PPFIA4: variants seen among roughly 807,000 people sequenced by gnomAD.
PPFIA4 encodes liprin-alpha-4.
In PPFIA4, 98 loss-of-function variants were observed where a neutral mutation model predicts 145.7. That is an observed-to-expected ratio of 0.67 (90% confidence interval 0.57 to 0.80). The LOEUF (loss-of-function observed/expected upper bound fraction) is 0.80, where lower values mean the gene tolerates loss of function less well. PPFIA4 is among the 30% of genes least tolerant of loss of function. The probability of loss-of-function intolerance (pLI) is 0.00; values close to 1 mark genes in which losing one functional copy is unlikely to be tolerated. For missense variants in PPFIA4, 1,457 were observed against 1,632.7 expected (o/e 0.89, Z 1.85); for synonymous variants, 628 against 649.6 (o/e 0.97, Z 0.51).
rs1424216045 is a variant in PPFIA4 at position 203,056,881 on chromosome 1, G to A, written c.2338G>A (p.Gly780Ser). The change falls in exon 19 of 30, where the codon GGC (glycine) becomes AGC (serine). Residue 780 changes from glycine to serine, a missense_variant. Coordinates refer to ENST00000295706, the MANE Select transcript of PPFIA4 (RefSeq NM_001304331.2). The part of the protein sequence containing the change: ...AKRKGIKSSI[G>S]RLFGKKEKGR... ...GCGCAAGGGCATCAAGTCGTCCATT[G>A]GCCGCCTGTTTGGGAAGAAGGAGAA... 2 of 1,613,968 alleles carry A rather than the reference G, an allele frequency of 1.2e-6. No homozygotes were observed. Among genetic ancestry groups the A allele is most frequent in the African/African-American group, 2.7e-5 (2 of 74,944 alleles).
Position 203,038,795 on chromosome 1 carries a change from C to G in PPFIA4, c.-214C>G, listed in dbSNP as rs1659482543. On this transcript the variant is annotated 5_prime_UTR_variant, in exon 2 of 30. Transcript: ENST00000295706. ...CCAGCCCCAGCCCTGAGAAGTTAAGCCAGGCCTTCTGGCTCAGTTCCACAG... is the reference window on the plus strand; with the variant it reads ...CCAGCCCCAGCCCTGAGAAGTTAAGGCAGGCCTTCTGGCTCAGTTCCACAG... 4 of 442,754 alleles carry G rather than the reference C, an allele frequency of 9.0e-6. No individual in the cohort carries two copies. In the South Asian group the frequency reaches 1.2e-4, roughly 14 times the overall value. 27.4% of individuals were successfully genotyped at this position (442,754 alleles called of 1,614,324 possible).
chr1:203,059,306 G>A, intron 20 of PPFIA4, 35 bp downstream of exon 20: 1 of 1,454,006 alleles, frequency 6.9e-7, no homozygotes, highest in South Asian at 1.2e-5. Context: ...CCAGGGTGGG[G>A]CCCAGCCCCC....
intron 1 of PPFIA4, among the ~76,000 whole-genome samples, chr1:203,033,258 C>T (rs192955208): frequency 1.1e-4 from 17 of 152,232 alleles, no homozygotes; most frequent in African/African-American, 2.6e-4. Flanking sequence ...CACTGCTAGT[C>T]GTGTTGGGGG....
intron 14 of PPFIA4, among the ~76,000 whole-genome samples, 179 bp downstream of exon 14, chr1:203,052,056 C>G (rs929718713): frequency 6.7e-6 from 1 of 149,776 alleles, no homozygotes; most frequent in South Asian, 2.2e-4. Context: ...CCCCCCCCCC[C>G]GCTTGCCTTG....
chr1:203,036,322 G>C (rs1659247456), intron 1 of PPFIA4, among the ~76,000 whole-genome samples: 1 of 152,186 alleles, frequency 6.6e-6, no homozygotes. Context: ...TCAGCCAGCT[G>C]GTCTGTGGCA....
intron 25 of PPFIA4, 189 bp from the exon 26 acceptor site, chr1:203,067,504 CAG>C (rs1368464650): frequency 6.9e-6 from 4 of 582,604 alleles, no homozygotes; most frequent in African/African-American, 1.9e-5. Context: ...ATGGGTTAGA[CAG>C]AGAAAGGGAG....
chr1:203,059,830 T>C lies in PPFIA4; in HGVS notation c.2562T>C (p.Pro854=), dbSNP rs767609540. 4 of 1,612,498 alleles carry C rather than the reference T, an allele frequency of 2.5e-6. No homozygotes were observed. The Admixed American group carries it at 5.0e-5, about 20-fold the overall frequency. The part of the protein sequence containing the change: ...KGMPFAQWDG[P]TVVSWLELWV... ...TGCCCTTTGCCCAGTGGGATGGTCC[T>C]ACTGTGGTCTCCTGGTTGGAGGTAA... Residue 854 remains proline, a synonymous_variant, in exon 21 of 30, where the codon CCT becomes CCC. Transcript: ENST00000295706.
chr1:203,027,346 T>G (rs1222400189), intron 1 of PPFIA4, among the ~76,000 whole-genome samples: 1 of 152,074 alleles, frequency 6.6e-6, no homozygotes, highest in African/African-American at 2.4e-5. Flanking sequence ...TTTTGAGGTT[T>G]TGATGGTGGG....
chr1:203,039,495 G>C (rs1204863390), intron 2 of PPFIA4, among the ~76,000 whole-genome samples: 3 of 152,202 alleles, frequency 2.0e-5, no homozygotes, highest in Non-Finnish European at 4.4e-5. Context: ...AGTGAGCTCA[G>C]GCGGCCAGTA....
rs778772626 is a variant in PPFIA4, at chr1:203,060,271, A to G, written c.2638A>G (p.Ser880Gly). ...YVAACRANVK[S>G]GAIMSALSDT... The stretch of plus-strand genomic sequence containing the variant: ...GGCAGCCTGCCGGGCCAACGTCAAG[A>G]GTGGTGCCATCATGTCCGCTCTGTC... The change falls in exon 22 of 30, where the codon AGT becomes GGT. Residue 880 changes from serine to glycine, a missense_variant. By Grantham distance (56) the Ser-to-Gly change is moderately conservative. Around this residue, in one of 3 missense-constraint regions of PPFIA4, gnomAD observed 848 missense variants for 1,046.7 expected, o/e 0.81. Coordinates refer to ENST00000295706, the MANE Select transcript of PPFIA4 (RefSeq NM_001304331.2). This position sits in a 1 kb window ranked among gnomAD's most constrained non-coding sequence, Gnocchi z 4.8. 1 of 1,614,000 alleles carries G rather than the reference A, an allele frequency of 6.2e-7. No homozygotes were observed. The highest frequency in any genetic ancestry group is 1.1e-5 in the South Asian group (1 of 91,070).
chr1:203,068,758 G>GACATTGCGATCCCCTCT lies in PPFIA4; in HGVS notation c.3324+130_3324+131insACATTGCGATCCCCTCT. 1 of 966,728 alleles carries GACATTGCGATCCCCTCT rather than the reference G, an allele frequency of 1.0e-6. No homozygotes were observed. The highest frequency in any genetic ancestry group is 1.7e-5 in the African/African-American group (1 of 58,034). 59.9% of individuals were successfully genotyped at this position (966,728 alleles called of 1,614,324 possible). On this transcript the variant is annotated intron_variant, in intron 27 of 29. Coordinates refer to ENST00000295706, the MANE Select transcript of PPFIA4 (RefSeq NM_001304331.2). The surrounding 1 kb of genome is among the most constrained non-coding windows in gnomAD (Gnocchi z 4.7). ...AGCTTTTCTAGGGCCTATGCCAGAG[G>GACATTGCGATCCCCTCT]GGATCGCAATGTCCTCAATTCTCCA... is the stretch of plus-strand genomic sequence containing the variant.
chr1:203,029,790 G>A (rs1274090499), intron 1 of PPFIA4, among the ~76,000 whole-genome samples: 1 of 152,200 alleles, frequency 6.6e-6, no homozygotes, highest in Non-Finnish European at 1.5e-5. Flanking sequence ...CTCTCATAAA[G>A]CATGGCATAT....
chr1:203,054,217 T>C, intron 15 of PPFIA4: 1 of 663,266 alleles, frequency 1.5e-6, no homozygotes, highest in Non-Finnish European at 2.7e-6. Flanking sequence ...CATGCTGTGT[T>C]CCTGCAGCCC....
At position 203,044,335 on chromosome 1, in the gene PPFIA4, G is replaced by C. The variant is rs1659912023; in HGVS notation, c.502-44G>C. 3.9e-6 allele frequency: 6 copies of C among 1,531,906 alleles called. No individual in the cohort carries two copies. In the East Asian group the frequency reaches 1.5e-4, roughly 38 times the overall value. 94.9% of individuals were successfully genotyped at this position (1,531,906 alleles called of 1,614,324 possible). ...CCCAGTCTCTTCCAGCCTGACTCAA[G>C]TGGGGTCCCCCTTTCTTCCTCCATC... On this transcript the variant is annotated intron_variant, in intron 4 of 29. Transcript: ENST00000295706.
At position 203,049,575 on chromosome 1, in the gene PPFIA4, C is replaced by T. The variant is rs1660343088; in HGVS notation, c.1420-101C>T. On this transcript the variant is annotated intron_variant, in intron 12 of 29. Coordinates refer to ENST00000295706, the MANE Select transcript of PPFIA4 (RefSeq NM_001304331.2). ...TTTGCAGTACATTCTTCAGCTTCTC[C>T]CCAACTCTGCTGTCCTCTTTGTCCC... The T allele has an allele frequency of 3.8e-6, 4 of 1,062,790 alleles. No individual in the cohort carries two copies. In the Admixed American group the frequency reaches 1.3e-4, roughly 35 times the overall value. The allele number at this position is 1,062,790 out of a possible 1,614,324, so 65.8% of individuals were successfully genotyped here. A position where few individuals can be genotyped will look rare whatever the true frequency, so the allele number is the denominator to read the frequency against.
At chr1:203,036,404 G>A (rs1055713055) in intron 1 of PPFIA4, among the ~76,000 whole-genome samples, 1 of 152,196 alleles carries the variant, frequency 6.6e-6, no homozygotes, top group African/African-American at 2.4e-5. Context: ...GCTGCCTGGG[G>A]ATCTGCTGGG....
chr1:203,073,547 G>C (rs1266385176), intron 28 of PPFIA4, among the ~76,000 whole-genome samples: 1 of 140,590 alleles, frequency 7.1e-6, no homozygotes, highest in African/African-American at 2.6e-5. Context: ...ACTGCTTCCT[G>C]TCCAACTGTC....
intron 24 of PPFIA4, 72 bp from the exon 25 acceptor site, chr1:203,063,756 A>G: frequency 2.6e-6 from 4 of 1,519,998 alleles, no homozygotes; most frequent in Non-Finnish European, 3.6e-6. Flanking sequence ...TCTCCCGACC[A>G]GCTATACCAG....
Position 203,056,111 on chromosome 1 carries a change from C to T in PPFIA4, c.2071-9C>T, listed in dbSNP as rs1275841899. ...TGAGTCTGAGCTTACCCATCCCTCTCTCTTGCAGCCCAGTGACTTAAGAAA... is the reference window on the plus strand; with the variant it reads ...TGAGTCTGAGCTTACCCATCCCTCTTTCTTGCAGCCCAGTGACTTAAGAAA... On this transcript the variant is annotated splice_polypyrimidine_tract_variant and intron_variant, in intron 16 of 29. Coordinates refer to ENST00000295706, the MANE Select transcript of PPFIA4 (RefSeq NM_001304331.2). The T allele has an allele frequency of 8.1e-6, 13 of 1,614,014 alleles. No homozygotes were observed. The highest frequency in any genetic ancestry group is 1.1e-5 in the Non-Finnish European group (13 of 1,179,878).
Sources: allele counts gnomAD v4.1 joint callset (sites outside exome capture counted in the v4.1 genomes callset), GRCh38; gene constraint gnomAD v4.1.1; regional missense constraint gnomAD v4.1.1; non-coding constraint Gnocchi (gnomAD v3.1); transcripts MANE v1.5; gene names NCBI Gene and HGNC (gene_info 2026-07-23, HGNC 2026-07-21).